Variants in DLGAP2 observed in about 807,000 individuals in gnomAD.
DLGAP2 encodes disks large-associated protein 2.
Under a neutral mutation model 100.3 loss-of-function variants are expected in DLGAP2, and 26 were observed. That is an observed-to-expected ratio of 0.26 (90% CI 0.19 to 0.36). The LOEUF (loss-of-function observed/expected upper bound fraction) is 0.36. DLGAP2 is among the 10% of genes least tolerant of loss of function. The pLI is 1.00. For synonymous variants in DLGAP2, 886 were observed against 630.1 expected (o/e 1.41, Z -6.08); for missense variants, 1,858 against 1,453.2 (o/e 1.28, Z -4.53).
At chr8:1,227,183 A>ATATATATATATATATATATCTATATC (rs1563265070) in intron 2 of DLGAP2, among the ~76,000 whole-genome samples, 1 of 132,534 alleles carries the variant, frequency 7.5e-6, no homozygotes, top group African/African-American at 3.3e-5. Flanking sequence ...TAGTATAGAT[A>ATATATATATATATATATATCTATATC]TATATTATCC....
intron 3 of DLGAP2, among the ~76,000 whole-genome samples, chr8:1,483,250 A>G (rs1563175647): frequency 6.6e-6 from 1 of 152,162 alleles, no homozygotes. Flanking sequence ...TTCATGAGGA[A>G]GTGACCCAGC....
intron 2 of DLGAP2, among the ~76,000 whole-genome samples, chr8:1,247,309 T>C (rs1457285551): frequency 3.2e-5 from 1 of 30,828 alleles, no homozygotes. Context: ...ACCATTGAGA[T>C]CAGTGTGGGA....
At position 1,174,910 on chromosome 8, in the gene DLGAP2, G is replaced by C. The variant is rs573114651; in HGVS notation, c.74-83941G>C. Among the ~76,000 whole-genome samples the C allele has an allele frequency of 5.5e-4, 84 of 152,300 alleles. 1 individual carries two copies. The South Asian group carries it at 0.017, about 31-fold the overall frequency. ...GGTGAGACAGGCAGGAGGCAGCTCTGAGAGAGCTTATGTTGTTCATCACCC... is the reference window on the plus strand; with the variant it reads ...GGTGAGACAGGCAGGAGGCAGCTCTCAGAGAGCTTATGTTGTTCATCACCC... On this transcript the variant is annotated intron_variant, in intron 2 of 14. Transcript: ENST00000637795.
At chr8:1,385,587 G>A (rs1239039208) in intron 3 of DLGAP2, among the ~76,000 whole-genome samples, 4 of 45,894 alleles carry the variant, frequency 8.7e-5, no homozygotes, top group African/African-American at 3.5e-4. Flanking sequence ...TACCCGGCCT[G>A]TGCCCGTCCC....
Position 1,548,796 on chromosome 8 carries a change from G to C in DLGAP2, c.343G>C (p.Asp115His), listed in dbSNP as rs1322663466. 3 of 1,583,106 alleles carry C rather than the reference G, an allele frequency of 1.9e-6. No individual in the cohort carries two copies. Among genetic ancestry groups the C allele is most frequent in the African/African-American group, 1.3e-5 (1 of 74,318 alleles). Residue 115 changes from aspartate (D) to histidine (H), a missense_variant, in exon 5 of 15, where the codon GAC (aspartate) becomes CAC (histidine). Transcript: ENST00000637795. Reference sequence around the variant, plus strand: ...CTGCGAGCACCTGCACCACGGGCCCGACGCGCGGCCGCCCTACCTGCTGAG... The same window carrying C: ...CTGCGAGCACCTGCACCACGGGCCCCACGCGCGGCCGCCCTACCTGCTGAG... ...EDCEHLHHGP[D>H]ARPPYLLSPA...
intron 2 of DLGAP2, among the ~76,000 whole-genome samples, chr8:1,226,453 A>G (rs957105510): frequency 5.3e-5 from 8 of 152,108 alleles, no homozygotes; most frequent in African/African-American, 1.7e-4. Flanking sequence ...GAGGAGAACA[A>G]CACACACAGG....
intron 1 of DLGAP2, among the ~76,000 whole-genome samples, chr8:824,028 CTTTTTTTTCTTCTTCT>C (rs1398638705): frequency 2.6e-4 from 1 of 3,800 alleles, no homozygotes; most frequent in East Asian, 0.05. Context: ...ATTTCTTCTT[CTTTTTTTTCTTCTTCT>C]TTTTTTTCTT....
At chr8:1,319,540 G>T (rs940143156) in intron 3 of DLGAP2, among the ~76,000 whole-genome samples, 3 of 152,206 alleles carry the variant, frequency 2.0e-5, no homozygotes, top group Non-Finnish European at 4.4e-5. Flanking sequence ...TACAGCATGA[G>T]TTAAAAGTCA....
chr8:1,041,566 G>C (rs1276751092), intron 2 of DLGAP2, among the ~76,000 whole-genome samples: 1 of 150,934 alleles, frequency 6.6e-6, no homozygotes, highest in Non-Finnish European at 1.5e-5. Context: ...CCTTGCCGTG[G>C]GTGAGTGTTC....
rs373309051 is a variant in DLGAP2 at position 910,885 on chromosome 8, G to A, written c.73+2919G>A. On this transcript the variant is annotated intron_variant, in intron 2 of 14. Coordinates refer to ENST00000637795, the MANE Select transcript of DLGAP2 (RefSeq NM_001346810.2). ...GCCAAGCAGAGCAGGCCTTGGGCGCGGTGTCCTGGATGCGCCACCACATTT... is the reference window on the plus strand; with the variant it reads ...GCCAAGCAGAGCAGGCCTTGGGCGCAGTGTCCTGGATGCGCCACCACATTT... Among the ~76,000 whole-genome samples, 746 of 152,176 alleles carry A rather than the reference G, an allele frequency of 4.9e-3. 11 individuals carry two copies. The highest frequency in any genetic ancestry group is 0.017 in the African/African-American group (713 of 41,522).
intron 3 of DLGAP2, among the ~76,000 whole-genome samples, chr8:1,333,155 G>C (rs1374890697): frequency 6.6e-6 from 1 of 152,190 alleles, no homozygotes. Flanking sequence ...CACAAGGAGA[G>C]AGATCAGGGA....
At chr8:1,146,973 C>A (rs1172832612) in intron 2 of DLGAP2, among the ~76,000 whole-genome samples, 1 of 152,132 alleles carries the variant, frequency 6.6e-6, no homozygotes, top group East Asian at 1.9e-4. Context: ...CTTTATGTTC[C>A]AACCCTGCAT....
chr8:1,588,571 T>C (rs1342515525), intron 6 of DLGAP2, among the ~76,000 whole-genome samples: 1 of 151,938 alleles, frequency 6.6e-6, no homozygotes, highest in Non-Finnish European at 1.5e-5. Flanking sequence ...ATAAAATAAT[T>C]GTCAAGTAAA....
At chr8:944,895 C>T (rs1291859339) in intron 2 of DLGAP2, among the ~76,000 whole-genome samples, 1 of 152,098 alleles carries the variant, frequency 6.6e-6, no homozygotes, top group Non-Finnish European at 1.5e-5. Flanking sequence ...GGCAGCCAAA[C>T]CCTGCAGGTG....
At chr8:1,368,337 G>A (rs1050386012) in intron 3 of DLGAP2, among the ~76,000 whole-genome samples, 5 of 151,952 alleles carry the variant, frequency 3.3e-5, no homozygotes, top group African/African-American at 9.7e-5. Flanking sequence ...ATGCATGTGT[G>A]TGTGCATGCG....
At chr8:811,611 C>T (rs563758069) in intron 1 of DLGAP2, among the ~76,000 whole-genome samples, 10 of 148,188 alleles carry the variant, frequency 6.7e-5, no homozygotes, top group South Asian at 2.2e-4. Context: ...CACCAGCTTT[C>T]GGATGAAGCT....
At chr8:1,553,021 A>G (rs1563217292) in intron 5 of DLGAP2, among the ~76,000 whole-genome samples, 1 of 152,154 alleles carries the variant, frequency 6.6e-6, no homozygotes, top group Non-Finnish European at 1.5e-5. Context: ...CAGGATGCCA[A>G]AGGCTCTCTA....
At chr8:889,954 C>T (rs1798000601) in intron 1 of DLGAP2, among the ~76,000 whole-genome samples, 1 of 152,120 alleles carries the variant, frequency 6.6e-6, no homozygotes, top group African/African-American at 2.4e-5. Context: ...AAAGTTTCCC[C>T]CGCTGGGTAG....
chr8:809,923 C>T (rs544216458), intron 1 of DLGAP2, among the ~76,000 whole-genome samples: 3 of 152,220 alleles, frequency 2.0e-5, no homozygotes, highest in African/African-American at 7.2e-5. Flanking sequence ...TGCTCTGGTG[C>T]TAATTTCTCT....
Sources: gnomAD v4.1 joint callset for allele counts (sites outside exome capture counted in the v4.1 genomes callset) on GRCh38, gnomAD v4.1.1 for gene constraint, MANE v1.5 for transcripts, NCBI Gene and HGNC (gene_info 2026-07-23, HGNC 2026-07-21) for gene names.